The following TMEM132D variants were observed in gnomAD, a reference collection of about 807,000 sequenced individuals.
TMEM132D encodes the protein mature OL transmembrane protein.
A neutral mutation model predicts 62.3 loss-of-function variants in TMEM132D; 21 were observed. The ratio of observed to expected loss-of-function variants is 0.34; its 90% confidence interval spans 0.24 to 0.49. The LOEUF (loss-of-function observed/expected upper bound fraction) is 0.49. Ranked by LOEUF, TMEM132D falls within the 20% of genes least tolerant of loss-of-function variation. TMEM132D has a pLI of 0.99. For missense variants in TMEM132D, 1,346 were observed against 1,402.8 expected, an observed-to-expected ratio of 0.96 and a Z score of 0.65; for synonymous variants, 621 against 575.6, an observed-to-expected ratio of 1.08 and a Z score of -1.13.
intron 1 of TMEM132D, among the ~76,000 whole-genome samples, chr12:129,744,419 A>G (rs2137261722): frequency 6.6e-6 from 1 of 152,278 alleles, no homozygotes; most frequent in African/African-American, 2.4e-5. Flanking sequence ...GAGATTTCAT[A>G]TTGCCCCAGC....
At chr12:129,574,047 C>G (rs1027233980) in intron 2 of TMEM132D, among the ~76,000 whole-genome samples, 2 of 151,904 alleles carry the variant, frequency 1.3e-5, no homozygotes, top group Non-Finnish European at 2.9e-5. Flanking sequence ...TCAATTGGTA[C>G]ATTTAAGATG....
chr12:129,568,519 T>C (rs1411768573), intron 2 of TMEM132D, among the ~76,000 whole-genome samples: 1 of 152,246 alleles, frequency 6.6e-6, no homozygotes, highest in Non-Finnish European at 1.5e-5. Context: ...TATATGTGAA[T>C]GCATCTGTTG....
intron 3 of TMEM132D, among the ~76,000 whole-genome samples, chr12:129,518,169 A>G (rs1875737935): frequency 1.4e-5 from 2 of 141,246 alleles, no homozygotes; most frequent in Admixed American, 1.4e-4. Context: ...TCATAGTTGA[A>G]GGAAATGCAT....
intron 4 of TMEM132D, among the ~76,000 whole-genome samples, chr12:129,253,768 T>C (rs1233915562): frequency 2.6e-5 from 4 of 152,188 alleles, no homozygotes. Flanking sequence ...CCTACTTTCA[T>C]GTAAACTTAA....
chr12:129,295,218 G>A (rs749921825), intron 4 of TMEM132D, among the ~76,000 whole-genome samples: 33 of 151,992 alleles, frequency 2.2e-4, no homozygotes, highest in African/African-American at 3.4e-4. Context: ...TAGACACTAC[G>A]GAACACTGCT....
intron 1 of TMEM132D, chr12:129,852,519 G>C (rs994772353): frequency 1.3e-5 from 2 of 151,934 alleles, no homozygotes; most frequent in African/African-American, 4.8e-5. Context: ...ACTCCAGCCT[G>C]GGTAACAGAG....
chr12:129,355,446 G>A (rs1255394036), intron 3 of TMEM132D, among the ~76,000 whole-genome samples: 2 of 152,092 alleles, frequency 1.3e-5, no homozygotes, highest in African/African-American at 2.4e-5. Flanking sequence ...TGGGGGAAGC[G>A]GAGAGTGAAA....
chr12:129,512,411 C>T (rs980004953), intron 3 of TMEM132D, among the ~76,000 whole-genome samples: 3 of 152,104 alleles, frequency 2.0e-5, no homozygotes, highest in South Asian at 2.1e-4. Context: ...TTCCATTTAT[C>T]GTCAAAAGAG....
chr12:129,423,058 C>T (rs575588660), intron 3 of TMEM132D, among the ~76,000 whole-genome samples: 4 of 150,786 alleles, frequency 2.7e-5, no homozygotes, highest in Non-Finnish European at 4.4e-5. Flanking sequence ...CATGTATATA[C>T]ATATATATAT....
chr12:129,720,812 ATAATCAT>A (rs1345932418), intron 1 of TMEM132D, among the ~76,000 whole-genome samples: 2 of 152,238 alleles, frequency 1.3e-5, no homozygotes, highest in Non-Finnish European at 2.9e-5. Flanking sequence ...TCAATAATCA[ATAATCAT>A]TAATCACCTA....
At chr12:129,313,620 T>C (rs933974863) in intron 4 of TMEM132D, among the ~76,000 whole-genome samples, 1 of 152,036 alleles carries the variant, frequency 6.6e-6, no homozygotes, top group Non-Finnish European at 1.5e-5. Flanking sequence ...TTGATGGGCA[T>C]TTGGGATGGT....
At chr12:129,752,978 T>C (rs1870047588) in intron 1 of TMEM132D, among the ~76,000 whole-genome samples, 2 of 152,208 alleles carry the variant, frequency 1.3e-5, no homozygotes, top group South Asian at 4.1e-4. Flanking sequence ...AGGGAGTGGA[T>C]GTTGGACAGG....
chr12:129,882,311 A>G (rs573720119), intron 1 of TMEM132D, among the ~76,000 whole-genome samples: 132 of 152,304 alleles, frequency 8.7e-4, no homozygotes, highest in African/African-American at 2.9e-3. Flanking sequence ...CAAAGACAGT[A>G]TATAAAAGAA....
At chr12:129,540,271 CAG>C (rs1430830847) in intron 2 of TMEM132D, among the ~76,000 whole-genome samples, 1 of 152,060 alleles carries the variant, frequency 6.6e-6, no homozygotes, top group East Asian at 1.9e-4. Flanking sequence ...TGAGTAGAAA[CAG>C]GGAGAAGGGG....
At chr12:129,158,966 T>C (rs935578634) in intron 5 of TMEM132D, among the ~76,000 whole-genome samples, 3 of 152,160 alleles carry the variant, frequency 2.0e-5, no homozygotes, top group African/African-American at 7.2e-5. Context: ...TCAGATCTTG[T>C]GAAAACTCCT....
chr12:129,283,622 G>T (rs768633289), intron 4 of TMEM132D, among the ~76,000 whole-genome samples: 82 of 152,144 alleles, frequency 5.4e-4, no homozygotes, highest in Admixed American at 1.6e-3. Context: ...TTTGAAAATG[G>T]AATTGTCCTC....
chr12:129,510,455 G>C (rs1875464947), intron 3 of TMEM132D, among the ~76,000 whole-genome samples: 1 of 152,100 alleles, frequency 6.6e-6, no homozygotes, highest in African/African-American at 2.4e-5. Flanking sequence ...CTGTGCAGAA[G>C]ACTTTTAACT....
chr12:129,711,045 G>C (rs1881629732), intron 1 of TMEM132D, among the ~76,000 whole-genome samples: 1 of 150,440 alleles, frequency 6.6e-6, no homozygotes, highest in African/African-American at 2.4e-5. Flanking sequence ...TCTCCAGACT[G>C]GAACTCTTCC....
At chr12:129,872,382 C>T (rs936517945) in intron 1 of TMEM132D, among the ~76,000 whole-genome samples, 15 of 152,292 alleles carry the variant, frequency 9.8e-5, no homozygotes, top group Admixed American at 9.8e-4. Context: ...TGGAACAACT[C>T]TCCTGCTCTC....
Sources: allele counts gnomAD v4.1 joint callset (sites outside exome capture counted in the v4.1 genomes callset), GRCh38; gene constraint gnomAD v4.1.1; transcripts MANE v1.5; gene names NCBI Gene and HGNC (gene_info 2026-07-23, HGNC 2026-07-21).